IRAG1: variants seen among roughly 807,000 people sequenced by gnomAD.
The protein encoded by IRAG1 is inositol 1,4,5-triphosphate receptor associated 1.
A neutral mutation model predicts 106.2 loss-of-function variants in IRAG1; 62 were observed. The ratio of observed to expected loss-of-function variants is 0.58; its 90% CI spans 0.48 to 0.72. The LOEUF is 0.72. Ranked by LOEUF, IRAG1 falls within the 30% of genes least tolerant of loss-of-function variation. The probability of loss-of-function intolerance (pLI) is 0.00; values close to 1 mark genes in which losing one functional copy is unlikely to be tolerated. For missense variants in IRAG1, 1,064 were observed against 1,140.7 expected (o/e 0.93, Z 0.97); for synonymous variants, 462 against 443.9 (o/e 1.04, Z -0.51).
chr11:10,686,410 A>ATTCTAAATTTGTATTTTTCC (rs1269857888), intron 1 of IRAG1, among the ~76,000 whole-genome samples: 1 of 152,186 alleles, frequency 6.6e-6, no homozygotes, highest in Non-Finnish European at 1.5e-5. Context: ...AAAGCTTGTG[A>ATTCTAAATTTGTATTTTTCC]TTCTAAATTT....
At chr11:10,680,031 T>C (rs2135182824) in intron 1 of IRAG1, among the ~76,000 whole-genome samples, 1 of 152,060 alleles carries the variant, frequency 6.6e-6, no homozygotes, top group Non-Finnish European at 1.5e-5. Flanking sequence ...CCCAACACTT[T>C]GGGAGGCTCA....
intron 2 of IRAG1, among the ~76,000 whole-genome samples, chr11:10,649,668 C>A (rs1858299339): frequency 6.6e-6 from 1 of 152,166 alleles, no homozygotes; most frequent in Admixed American, 6.5e-5. Context: ...CTAACCATCA[C>A]AGCTTCAAAA....
intron 10 of IRAG1, among the ~76,000 whole-genome samples, chr11:10,616,217 C>T (rs1475850445): frequency 6.8e-6 from 1 of 147,456 alleles, no homozygotes; most frequent in African/African-American, 2.5e-5. Flanking sequence ...GGCGTGAATC[C>T]GGGAGGTGGA....
chr11:10,605,518 T>C (rs1402428479), intron 12 of IRAG1, among the ~76,000 whole-genome samples: 1 of 152,168 alleles, frequency 6.6e-6, no homozygotes, highest in Non-Finnish European at 1.5e-5. Context: ...ACAATAACCC[T>C]CTGGGGTGGG....
At chr11:10,613,271 A>AC (rs1855127702) in intron 10 of IRAG1, among the ~76,000 whole-genome samples, 1 of 152,066 alleles carries the variant, frequency 6.6e-6, no homozygotes, top group Non-Finnish European at 1.5e-5. Context: ...CAAAAAAAAA[A>AC]AAAAAAACCC....
Position 10,657,947 on chromosome 11 carries a change from C to A in IRAG1, c.68-5765G>T, listed in dbSNP as rs1457335264. ...GTCCCCAGAGCACCCATGCCCCGAGCCCGGCTGCATGTGGCAGCTTTCTGA... is the reference window on the plus strand; with the variant it reads ...GTCCCCAGAGCACCCATGCCCCGAGACCGGCTGCATGTGGCAGCTTTCTGA... On this transcript the variant is annotated intron_variant, in intron 1 of 20. Coordinates refer to ENST00000423302, the MANE Select transcript of IRAG1 (RefSeq NM_130385.4). The surrounding 1 kb of genome is among the most constrained non-coding windows in gnomAD (Gnocchi z 4.1). Among the ~76,000 whole-genome samples, 1 of 152,228 alleles carries A rather than the reference C, an allele frequency of 6.6e-6. No homozygotes were observed. The highest frequency in any genetic ancestry group is 1.5e-5 in the Non-Finnish European group (1 of 68,046).
intron 1 of IRAG1, among the ~76,000 whole-genome samples, chr11:10,684,373 T>C (rs929966213): frequency 2.6e-5 from 4 of 151,730 alleles, no homozygotes; most frequent in Admixed American, 1.3e-4. Context: ...AACCAAACAC[T>C]GCATCTTCTC....
rs1255336587 is a variant in IRAG1, at chr11:10,626,065, T to C, written c.1269A>G (p.Ala423=). 2.6e-6 allele frequency: 4 copies of C among 1,530,428 alleles called. No individual in the cohort carries two copies. Among genetic ancestry groups the C allele is most frequent in the Non-Finnish European group, 3.5e-6 (4 of 1,139,080 alleles). The allele number at this position is 1,530,428 out of a possible 1,614,324, so 94.8% of individuals were successfully genotyped here. ...TGGCCAGCTTGCCGCCGGCCTTGCC[T>C]GCAAAACGCTTTTCTTCCTCTGCCA... ...LPLAEEEKRF[A]GKAGGKLAKA... Residue 423 remains alanine, a synonymous_variant, in exon 9 of 21, where the codon GCA becomes GCG. Coordinates refer to ENST00000423302, the MANE Select transcript of IRAG1 (RefSeq NM_130385.4).
intron 2 of IRAG1, among the ~76,000 whole-genome samples, chr11:10,635,535 G>A (rs1469943180): frequency 2.6e-5 from 4 of 152,290 alleles, no homozygotes; most frequent in African/African-American, 9.6e-5. Flanking sequence ...GCTGCCAATG[G>A]GCTGGAGCCT....
intron 11 of IRAG1, among the ~76,000 whole-genome samples, chr11:10,609,276 G>T (rs1194873022): frequency 1.3e-5 from 2 of 151,966 alleles, no homozygotes; most frequent in African/African-American, 2.4e-5. Context: ...CATTCATTTG[G>T]TTACTTAAAT....
chr11:10,602,646 T>G (rs1196131526), intron 14 of IRAG1, among the ~76,000 whole-genome samples: 4 of 142,450 alleles, frequency 2.8e-5, no homozygotes, highest in African/African-American at 1.1e-4. Context: ...TTTATAGGGT[T>G]GCTGGGTGGA....
Position 10,657,109 on chromosome 11 carries a change from T to G in IRAG1, c.68-4927A>C, listed in dbSNP as rs1025375261. On this transcript the variant is annotated intron_variant, in intron 1 of 20. Coordinates refer to ENST00000423302, the MANE Select transcript of IRAG1 (RefSeq NM_130385.4). This position sits in a 1 kb window ranked among gnomAD's most constrained non-coding sequence, Gnocchi z 4.1. ...AAAGGCCTTACTGTATCCCAGAAAG[T>G]ATAGAGCCATCATCGGGACGCACGG... Among the ~76,000 whole-genome samples the G allele has an allele frequency of 5.3e-5, 8 of 152,080 alleles. No homozygotes were observed. The highest frequency in any genetic ancestry group is 7.4e-5 in the Non-Finnish European group (5 of 68,010).
At chr11:10,624,917 A>G (rs895614244) in intron 9 of IRAG1, among the ~76,000 whole-genome samples, 1 of 152,202 alleles carries the variant, frequency 6.6e-6, no homozygotes, top group Admixed American at 6.5e-5. Flanking sequence ...CTTGGCTCCA[A>G]CTTCCGCTAG....
Position 10,628,765 on chromosome 11 carries a change from A to C in IRAG1, c.638T>G (p.Val213Gly). 6.5e-7 allele frequency: 1 copy of C among 1,543,820 alleles called. No homozygotes were observed. The highest frequency in any genetic ancestry group is 8.7e-7 in the Non-Finnish European group (1 of 1,151,416). ...CTGGGCCTCACCTGGCGGGGTGGGG[A>C]CTGTAAGTGAGTTGCTCCGAGAGGA... The part of the protein sequence containing the change: ...PTSSRSNSLT[V>G]PTPPGLDVCS... Residue 213 changes from valine to glycine, a missense_variant, in exon 6 of 21, where the codon GTC (valine) becomes GGC (glycine). Physicochemically the swap from Val to Gly is moderately radical, Grantham distance 109. Coordinates refer to ENST00000423302, the MANE Select transcript of IRAG1 (RefSeq NM_130385.4). This position sits in a 1 kb window ranked among gnomAD's most constrained non-coding sequence, Gnocchi z 4.1.
chr11:10,616,439 A>G (rs1406889916), intron 10 of IRAG1, among the ~76,000 whole-genome samples: 4 of 152,156 alleles, frequency 2.6e-5, no homozygotes, highest in Admixed American at 2.0e-4. Flanking sequence ...ACTTTTTCCT[A>G]TGTCTCATTT....
intron 18 of IRAG1, among the ~76,000 whole-genome samples, chr11:10,589,569 G>A (rs1852408701): frequency 6.6e-6 from 1 of 152,148 alleles, no homozygotes; most frequent in South Asian, 2.1e-4. Flanking sequence ...GCCTGGCCAT[G>A]TTTCCAGTTT....
chr11:10,683,517 G>A (rs1564944363), intron 1 of IRAG1, among the ~76,000 whole-genome samples: 1 of 152,152 alleles, frequency 6.6e-6, no homozygotes, highest in Non-Finnish European at 1.5e-5. Context: ...TATCTGAGCT[G>A]GTTTTCCTCT....
intron 18 of IRAG1, among the ~76,000 whole-genome samples, chr11:10,582,460 A>G (rs1343995051): frequency 6.6e-6 from 1 of 152,228 alleles, no homozygotes; most frequent in East Asian, 1.9e-4. Flanking sequence ...CCAACATGGA[A>G]CTTAGCAGAA....
In IRAG1 at chr11:10,628,063, G is replaced by A. The variant is rs1466604442; in HGVS notation, c.653-38C>T. 3 of 1,609,736 alleles carry A rather than the reference G, an allele frequency of 1.9e-6. No individual in the cohort carries two copies. In the African/African-American group the frequency reaches 4.0e-5, roughly 22 times the overall value. ...AGACACTAGTGAGTGAGGCCCAGCA[G>A]CCCAGGCCCTCAGCTGTGCTTTCAG... On this transcript the variant is annotated intron_variant, in intron 6 of 20. Coordinates refer to ENST00000423302, the MANE Select transcript of IRAG1 (RefSeq NM_130385.4). The surrounding 1 kb of genome is among the most constrained non-coding windows in gnomAD (Gnocchi z 4.1).
Sources: allele counts gnomAD v4.1 joint callset (sites outside exome capture counted in the v4.1 genomes callset), GRCh38; gene constraint gnomAD v4.1.1; non-coding constraint Gnocchi (gnomAD v3.1); transcripts MANE v1.5; gene names NCBI Gene and HGNC (gene_info 2026-07-23, HGNC 2026-07-21).